Variants in PRIM2 observed in about 807,000 individuals in gnomAD.
The protein encoded by PRIM2 is DNA primase large subunit.
Under a neutral mutation model 67.3 loss-of-function variants are expected in PRIM2, and 39 were observed. That is an observed-to-expected ratio of 0.58 (90% CI 0.45 to 0.76). The LOEUF is 0.76. Among genes scored for constraint, PRIM2 ranks in the 30% least tolerant of loss-of-function variants. The pLI is 0.00. For missense variants in PRIM2, 398 were observed against 598.7 expected (o/e 0.66, Z 3.50); for synonymous variants, 143 against 198.7 (o/e 0.72, Z 2.36).
intron 7 of PRIM2, among the ~76,000 whole-genome samples, chr6:57,403,614 A>G (rs1770789174): frequency 6.6e-6 from 1 of 152,118 alleles, no homozygotes; most frequent in African/African-American, 2.4e-5. Flanking sequence ...TTCTCTCTAT[A>G]GTGCTTTGCA....
chr6:57,257,550 C>T, the PRIM2 span, among the ~76,000 whole-genome samples: 1 of 152,136 alleles, frequency 6.6e-6, no homozygotes, highest in Non-Finnish European at 1.5e-5. Context: ...GGATTACAGG[C>T]GTGAGCCATC....
chr6:57,607,259 T>A (rs1776581456), intron 12 of PRIM2, among the ~76,000 whole-genome samples: 1 of 152,192 alleles, frequency 6.6e-6, no homozygotes, highest in Non-Finnish European at 1.5e-5. Context: ...AAAGTTCAGA[T>A]AACAAATCTT....
chr6:57,266,168 C>G, the PRIM2 span, among the ~76,000 whole-genome samples: 2 of 152,082 alleles, frequency 1.3e-5, no homozygotes, highest in Non-Finnish European at 2.9e-5. Flanking sequence ...TATAAAGTAG[C>G]TGCAATGTGA....
chr6:57,598,223 T>G (rs1195764545), intron 10 of PRIM2, among the ~76,000 whole-genome samples: 1 of 152,236 alleles, frequency 6.6e-6, no homozygotes, highest in Non-Finnish European at 1.5e-5. Flanking sequence ...TGTGCCAGCC[T>G]TGAGAGATCA....
intron 7 of PRIM2, among the ~76,000 whole-genome samples, chr6:57,476,590 A>T (rs1363208052): frequency 3.9e-5 from 6 of 152,336 alleles, no homozygotes; most frequent in Admixed American, 3.9e-4. Flanking sequence ...TTAGAACGTA[A>T]CCATCATTGT....
Position 57,382,071 on chromosome 6 carries a change from A to G in PRIM2, c.596A>G (p.Lys199Arg), listed in dbSNP as rs1264727337. 2 of 1,612,588 alleles carry G rather than the reference A, an allele frequency of 1.2e-6. No homozygotes were observed. The highest frequency in any genetic ancestry group is 1.7e-6 in the Non-Finnish European group (2 of 1,179,256). Residue 199 changes from lysine (K) to arginine (R), a missense_variant, in exon 7 of 14, where the codon AAA (lysine) becomes AGA (arginine). Physicochemically the swap from Lys to Arg is conservative, Grantham distance 26. Transcript: ENST00000615550. ...GCTCTGGATTTGTTTCGAGGAAGGA[A>G]AGTCTATTTGGAAGATGGCTTTGCT... ...ADALDLFRGR[K>R]VYLEDGFAYV...
At chr6:57,373,955 T>G (rs1437480827) in intron 5 of PRIM2, among the ~76,000 whole-genome samples, 1 of 152,150 alleles carries the variant, frequency 6.6e-6, no homozygotes, top group East Asian at 1.9e-4. Flanking sequence ...ATATGAATTT[T>G]AAAATAGTTT....
intron 7 of PRIM2, among the ~76,000 whole-genome samples, chr6:57,487,519 G>A (rs1156560981): frequency 6.6e-6 from 1 of 152,206 alleles, no homozygotes. Context: ...ATGCGCCACT[G>A]CCCCTGGCCT....
At chr6:57,427,909 A>G (rs1771685834) in intron 7 of PRIM2, among the ~76,000 whole-genome samples, 1 of 152,160 alleles carries the variant, frequency 6.6e-6, no homozygotes, top group South Asian at 2.1e-4. Context: ...ATTCTTATAA[A>G]TGCAACTTGG....
the PRIM2 span, among the ~76,000 whole-genome samples, chr6:57,238,736 A>C: frequency 2.6e-5 from 4 of 152,204 alleles, no homozygotes; most frequent in Non-Finnish European, 2.9e-5. Context: ...AAAGAGATAG[A>C]GACACAAAAA....
At chr6:57,639,666 C>G (rs1351302430) in intron 13 of PRIM2, among the ~76,000 whole-genome samples, 2 of 134,838 alleles carry the variant, frequency 1.5e-5, no homozygotes, top group Non-Finnish European at 3.1e-5. Context: ...CACATACACC[C>G]TCCCAAGACT....
At chr6:57,513,584 A>G (rs1774413702) in intron 8 of PRIM2, among the ~76,000 whole-genome samples, 2 of 152,138 alleles carry the variant, frequency 1.3e-5, no homozygotes, top group Non-Finnish European at 1.5e-5. Flanking sequence ...ACAGCATATT[A>G]TAAGTCACTG....
rs1156576933 is a variant in PRIM2, at chr6:57,642,435, C to CTTTTTTTTT, written c.1300-3476_1300-3468dup. ...TATGCACATACCTTAAATATTATATCTTTTTTTTTTTTTTTTTTTTTTTTT... is the reference window on the plus strand; with the variant it reads ...TATGCACATACCTTAAATATTATATCTTTTTTTTTTTTTTTTTTTTTTTTTTTTTTTTTT... On this transcript the variant is annotated intron_variant, in intron 13 of 13. Coordinates refer to ENST00000615550, the MANE Select transcript of PRIM2 (RefSeq NM_000947.5). Among the ~76,000 whole-genome samples the CTTTTTTTTT allele has an allele frequency of 9.5e-3, 792 of 83,118 alleles. 54 individuals are homozygous for CTTTTTTTTT. The highest frequency in any genetic ancestry group is 0.011 in the Non-Finnish European group (529 of 47,370). The allele number at this position is 83,118 out of a possible 152,430, so 54.5% of individuals were successfully genotyped here. A position where few individuals can be genotyped will look rare whatever the true frequency, so the allele number is the denominator to read the frequency against.
At chr6:57,312,872 A>G (rs1562687419), upstream of PRIM2, among the ~76,000 whole-genome samples, 1 of 152,140 alleles carries the variant, frequency 6.6e-6, no homozygotes, top group Non-Finnish European at 1.5e-5. Context: ...TTTTTTATAT[A>G]GTAGGAGGTA....
At chr6:57,275,265 C>A in the PRIM2 span, among the ~76,000 whole-genome samples, 4 of 152,134 alleles carry the variant, frequency 2.6e-5, no homozygotes, top group African/African-American at 9.7e-5. Flanking sequence ...AATCCCAGCA[C>A]CTTGGGAGGC....
intron 8 of PRIM2, among the ~76,000 whole-genome samples, chr6:57,513,909 G>A (rs1355751835): frequency 6.6e-6 from 1 of 152,098 alleles, no homozygotes; most frequent in African/African-American, 2.4e-5. Context: ...TTTAAAATGC[G>A]TATTTGTCAC....
the PRIM2 span, among the ~76,000 whole-genome samples, chr6:57,246,359 G>A: frequency 4.6e-5 from 7 of 152,260 alleles, no homozygotes; most frequent in South Asian, 2.1e-4. Flanking sequence ...TTCTACCTAC[G>A]CTAGTATATA....
intron 7 of PRIM2, among the ~76,000 whole-genome samples, chr6:57,488,917 A>G (rs1393877937): frequency 3.6e-4 from 55 of 152,314 alleles, no homozygotes; most frequent in African/African-American, 1.3e-3. Flanking sequence ...TTGGCCAGGT[A>G]CTATATGATG....
chr6:57,361,251 C>G (rs1769190629), intron 5 of PRIM2, among the ~76,000 whole-genome samples: 1 of 152,152 alleles, frequency 6.6e-6, no homozygotes. Flanking sequence ...TGTTACAGCA[C>G]TTATAAACTG....
Sources: allele counts gnomAD v4.1 joint callset (sites outside exome capture counted in the v4.1 genomes callset), GRCh38; gene constraint gnomAD v4.1.1; transcripts MANE v1.5; gene names NCBI Gene and HGNC (gene_info 2026-07-23, HGNC 2026-07-21).